Variants in DPF3 observed in about 807,000 individuals in gnomAD.
DPF3 encodes the protein double PHD fingers 3, also known as zinc finger protein DPF3.
In DPF3, 18 loss-of-function variants were observed where a neutral mutation model predicts 56.8. The observed-to-expected ratio is 0.32, with a 90% confidence interval of 0.22 to 0.47. The LOEUF is 0.47. DPF3 is among the 20% of genes least tolerant of loss of function. The pLI is 1.00. For missense variants in DPF3, 403 were observed against 488.8 expected, an observed-to-expected ratio of 0.82 and a Z score of 1.65; for synonymous variants, 188 against 180.2, an observed-to-expected ratio of 1.04 and a Z score of -0.35.
chr14:72,787,005 G>C (rs1892234765), intron 1 of DPF3, among the ~76,000 whole-genome samples: 1 of 152,222 alleles, frequency 6.6e-6, no homozygotes, highest in Non-Finnish European at 1.5e-5. Flanking sequence ...GAAGACTTGA[G>C]AGCATTGCCC....
intron 1 of DPF3, among the ~76,000 whole-genome samples, chr14:72,793,940 G>T (rs1218017723): frequency 6.6e-6 from 1 of 152,240 alleles, no homozygotes; most frequent in Non-Finnish European, 1.5e-5. Context: ...TCGTGAAGCT[G>T]CTCCTGGCCT....
chr14:72,750,965 A>T (rs1048874057), intron 3 of DPF3, among the ~76,000 whole-genome samples: 1 of 152,154 alleles, frequency 6.6e-6, no homozygotes, highest in Non-Finnish European at 1.5e-5. Flanking sequence ...CCGAGGCAGG[A>T]GGATTATCTG....
chr14:72,798,667 T>C (rs1403013092), intron 1 of DPF3, among the ~76,000 whole-genome samples: 1 of 152,202 alleles, frequency 6.6e-6, no homozygotes, highest in Non-Finnish European at 1.5e-5. Context: ...GCCAGATCCC[T>C]TTCCCTTTCC....
At chr14:72,885,092 C>A (rs895601872) in intron 1 of DPF3, among the ~76,000 whole-genome samples, 2 of 145,060 alleles carry the variant, frequency 1.4e-5, no homozygotes, top group Non-Finnish European at 3.0e-5. Flanking sequence ...CGACACTGCA[C>A]TCCAGCCTGG....
At chr14:72,714,002 A>T (rs1349442201) in intron 6 of DPF3, among the ~76,000 whole-genome samples, 1 of 152,254 alleles carries the variant, frequency 6.6e-6, no homozygotes, top group Non-Finnish European at 1.5e-5. Context: ...AATTAAAGGG[A>T]AACAAATGAA....
At chr14:72,850,709 G>A (rs1213470992) in intron 1 of DPF3, among the ~76,000 whole-genome samples, 1 of 152,114 alleles carries the variant, frequency 6.6e-6, no homozygotes, top group Admixed American at 6.5e-5. Flanking sequence ...CAAATCTGTG[G>A]TTCAGATTAT....
At chr14:72,765,844 G>A (rs904067227) in intron 2 of DPF3, among the ~76,000 whole-genome samples, 1 of 152,138 alleles carries the variant, frequency 6.6e-6, no homozygotes, top group African/African-American at 2.4e-5. Context: ...AACCCAGGAG[G>A]CGGAGCTTGC....
rs1388180006 is a variant in DPF3, at chr14:72,885,125, C to CA, written c.32+8931dup. Among the ~76,000 whole-genome samples, 1,130 of 117,828 alleles carry CA rather than the reference C, an allele frequency of 9.6e-3. 8 individuals are homozygous for CA. The highest frequency in any genetic ancestry group is 0.053 in the East Asian group (208 of 3,916). The allele number at this position is 117,828 out of a possible 152,430, so 77.3% of individuals were successfully genotyped here. A position where few individuals can be genotyped will look rare whatever the true frequency, so the allele number is the denominator to read the frequency against. On this transcript the variant is annotated intron_variant, in intron 1 of 10. Transcript: ENST00000556509. ...TGGGCGACAGAGCGAGACTCCGTCT[C>CA]AAAAAAAAAAAACAGGAAGGGGGAT...
intron 1 of DPF3, among the ~76,000 whole-genome samples, chr14:72,855,187 C>A (rs1031034985): frequency 6.6e-6 from 1 of 152,202 alleles, no homozygotes; most frequent in African/African-American, 2.4e-5. Flanking sequence ...CGCCTATTTA[C>A]TAAGCAGGGA....
intron 8 of DPF3, among the ~76,000 whole-genome samples, chr14:72,637,625 C>G (rs1388100314): frequency 6.6e-6 from 1 of 152,126 alleles, no homozygotes; most frequent in Non-Finnish European, 1.5e-5. Flanking sequence ...ATTGACTTCT[C>G]TAGCATTAGT....
At chr14:72,722,203 A>T (rs1889202317) in intron 5 of DPF3, among the ~76,000 whole-genome samples, 1 of 152,196 alleles carries the variant, frequency 6.6e-6, no homozygotes, top group Non-Finnish European at 1.5e-5. Flanking sequence ...AATCAAACAA[A>T]CACAAATCAA....
At chr14:72,661,172 A>T (rs902705892) in intron 8 of DPF3, 20 of 985,294 alleles carry the variant, frequency 2.0e-5, no homozygotes, top group Middle Eastern at 5.2e-4. Flanking sequence ...TGGAAAGCAG[A>T]TTATTATGAT....
intron 1 of DPF3, among the ~76,000 whole-genome samples, chr14:72,845,827 A>C (rs1884727309): frequency 6.6e-6 from 1 of 152,172 alleles, no homozygotes; most frequent in Non-Finnish European, 1.5e-5. Context: ...TTTTCACATG[A>C]CACCTGCAGA....
intron 1 of DPF3, among the ~76,000 whole-genome samples, chr14:72,797,035 C>G (rs1892673174): frequency 1.3e-5 from 2 of 152,148 alleles, no homozygotes; most frequent in Non-Finnish European, 2.9e-5. Context: ...AAGGGGTCTA[C>G]TAGGATACAC....
chr14:72,662,023 G>A (rs868793407), intron 8 of DPF3: 32 of 985,052 alleles, frequency 3.2e-5, no homozygotes, highest in Middle Eastern at 1.0e-3. Context: ...TCAGATAAAA[G>A]GGGCTTGCCT....
intron 1 of DPF3, among the ~76,000 whole-genome samples, chr14:72,876,211 G>T (rs1322355928): frequency 6.6e-6 from 1 of 152,208 alleles, no homozygotes; most frequent in African/African-American, 2.4e-5. Flanking sequence ...TAGCTGACAG[G>T]ATTGATGGCT....
chr14:72,782,777 G>A (rs759407394), intron 1 of DPF3, among the ~76,000 whole-genome samples: 62 of 152,154 alleles, frequency 4.1e-4, no homozygotes, highest in Admixed American at 1.3e-4. Context: ...AGGTTGCAGT[G>A]AGCCGAGATT....
intron 9 of DPF3, among the ~76,000 whole-genome samples, chr14:72,621,832 G>C (rs1884468859): frequency 6.6e-6 from 1 of 152,222 alleles, no homozygotes; most frequent in Admixed American, 6.5e-5. Flanking sequence ...GATGCCGTCT[G>C]GGTTGTGGCT....
chr14:72,673,437 T>C (rs982319731), intron 8 of DPF3, among the ~76,000 whole-genome samples: 1 of 152,122 alleles, frequency 6.6e-6, no homozygotes, highest in Non-Finnish European at 1.5e-5. Context: ...AGTGCTGACA[T>C]AATACAATAT....
Sources: allele counts gnomAD v4.1 joint callset (sites outside exome capture counted in the v4.1 genomes callset), GRCh38; gene constraint gnomAD v4.1.1; transcripts MANE v1.5; gene names NCBI Gene and HGNC (gene_info 2026-07-23, HGNC 2026-07-21).